The following TMEM184B variants were observed in gnomAD, a reference collection of about 807,000 sequenced individuals.
The protein encoded by TMEM184B is putative MAPK-activating protein FM08.
Under a neutral mutation model 41.8 loss-of-function variants are expected in TMEM184B, and 17 were observed. The observed-to-expected ratio is 0.41, with a 90% CI of 0.28 to 0.61. The LOEUF (loss-of-function observed/expected upper bound fraction) is 0.61. TMEM184B is among the 20% of genes least tolerant of loss of function. The probability of loss-of-function intolerance (pLI) is 0.34; values close to 1 mark genes in which losing one functional copy is unlikely to be tolerated. For synonymous variants in TMEM184B, 240 were observed against 229.5 expected (o/e 1.05, Z -0.41); for missense variants, 393 against 557.8 (o/e 0.70, Z 2.98).
chr22:38,261,099 TGGGAATGACAAC>T (rs1157161845), intron 1 of TMEM184B, among the ~76,000 whole-genome samples: 1 of 152,182 alleles, frequency 6.6e-6, no homozygotes, highest in African/African-American at 2.4e-5. Context: ...TCCAGCCGCC[TGGGAATGACAAC>T]GGGAATGACA....
chr22:38,263,341 C>T (rs1602495897), intron 1 of TMEM184B, among the ~76,000 whole-genome samples: 1 of 152,196 alleles, frequency 6.6e-6, no homozygotes, highest in East Asian at 1.9e-4. Context: ...GGTGTCTGCC[C>T]AGAGACCCCC....
At chr22:38,259,922 C>T (rs1158917385) in intron 1 of TMEM184B, among the ~76,000 whole-genome samples, 2 of 146,162 alleles carry the variant, frequency 1.4e-5, no homozygotes, top group Admixed American at 6.9e-5. Context: ...GTTACAGGCA[C>T]GTGCCACCAC....
chr22:38,267,846 T>C (rs1279864412), intron 1 of TMEM184B, among the ~76,000 whole-genome samples: 13 of 152,162 alleles, frequency 8.5e-5, no homozygotes, highest in Non-Finnish European at 1.6e-4. Context: ...ACTGTGTACA[T>C]TTCGCCAGAC....
rs375195595 is a variant in TMEM184B, at chr22:38,231,763, G to A, written c.359-429C>T. Reference sequence around the variant, plus strand: ...CGCCTGTGGTCCCAGCTACTGCTGCGGCAGGAGGACGTCTTGAGTCTGGGA... The same window carrying A: ...CGCCTGTGGTCCCAGCTACTGCTGCAGCAGGAGGACGTCTTGAGTCTGGGA... On this transcript the variant is annotated intron_variant, in intron 3 of 8. Transcript: ENST00000361906. The A allele has an allele frequency of 3.2e-4, 113 of 354,492 alleles. 1 individual carries two copies. The East Asian group carries it at 7.1e-3, about 22-fold the overall frequency. 22.0% of individuals were successfully genotyped at this position (354,492 alleles called of 1,614,324 possible). A position where few individuals can be genotyped will look rare whatever the true frequency, so the allele number is the denominator to read the frequency against.
At chr22:38,232,780 C>A (rs1284609704) in intron 3 of TMEM184B, among the ~76,000 whole-genome samples, 1 of 152,210 alleles carries the variant, frequency 6.6e-6, no homozygotes, top group East Asian at 1.9e-4. Context: ...CCGAGCAGCA[C>A]TAATGCTGCA....
At chr22:38,250,053 G>A (rs982400827) in intron 1 of TMEM184B, among the ~76,000 whole-genome samples, 6 of 152,226 alleles carry the variant, frequency 3.9e-5, no homozygotes, top group African/African-American at 7.2e-5. Flanking sequence ...CACCAACCCC[G>A]ACCGTCTCGG....
In TMEM184B at chr22:38,239,489, A is replaced by T. The variant is rs2091857073; in HGVS notation, c.358+6446T>A. On this transcript the variant is annotated intron_variant, in intron 3 of 8. Transcript: ENST00000361906. This position sits in a 1 kb window ranked among gnomAD's most constrained non-coding sequence, Gnocchi z 4.6. ...CATGCCCACCGCTCCATGGTCACCG[A>T]GTGGCGGATGGTTGGGGGTGGGGGT... 6.7e-6 allele frequency: 1 copy of T among 148,766 alleles called. No individual in the cohort carries two copies. The highest frequency in any genetic ancestry group is 1.5e-5 in the Non-Finnish European group (1 of 66,994). 9.2% of individuals were successfully genotyped at this position (148,766 alleles called of 1,614,324 possible).
chr22:38,252,582 C>A (rs1228341503), intron 1 of TMEM184B, among the ~76,000 whole-genome samples: 2 of 151,596 alleles, frequency 1.3e-5, no homozygotes, highest in Non-Finnish European at 2.9e-5. Flanking sequence ...CTTCCCCTTG[C>A]ACTGCTGAGG....
chr22:38,267,292 G>T (rs1234761371), intron 1 of TMEM184B, among the ~76,000 whole-genome samples: 2 of 152,088 alleles, frequency 1.3e-5, no homozygotes, highest in African/African-American at 4.8e-5. Context: ...CCACCCCAGA[G>T]AAGGAAAAGG....
At chr22:38,241,568 CGCCTGT>C in intron 3 of TMEM184B, among the ~76,000 whole-genome samples, 1 of 151,044 alleles carries the variant, frequency 6.6e-6, no homozygotes, top group South Asian at 2.1e-4. Flanking sequence ...TGGTGGCACA[CGCCTGT>C]GTCTGTCAGA....
At chr22:38,230,133 C>T (rs2091565142) in intron 5 of TMEM184B, among the ~76,000 whole-genome samples, 1 of 110,838 alleles carries the variant, frequency 9.0e-6, no homozygotes, top group Non-Finnish European at 1.8e-5. Context: ...GCTGGATTGC[C>T]AAGGCTACTC....
chr22:38,230,886 CACAG>C (rs1437117983), intron 4 of TMEM184B, 142 bp from the exon 5 acceptor site: 1 of 802,446 alleles, frequency 1.2e-6, no homozygotes. Context: ...CGAGGCCAAG[CACAG>C]GGAGAGGCAT....
intron 1 of TMEM184B, among the ~76,000 whole-genome samples, chr22:38,272,087 C>T (rs2092532203): frequency 6.6e-6 from 1 of 152,168 alleles, no homozygotes; most frequent in Non-Finnish European, 1.5e-5. Context: ...ACCTGCTTTG[C>T]CCCAAAATGC....
intron 3 of TMEM184B, 133 bp downstream of exon 3, chr22:38,245,802 C>T: frequency 1.0e-6 from 1 of 954,706 alleles, no homozygotes; most frequent in Non-Finnish European, 1.5e-6. Flanking sequence ...GGGACAGAAA[C>T]CCTGTAGTAG....
intron 1 of TMEM184B, among the ~76,000 whole-genome samples, chr22:38,249,994 C>G (rs1275000328): frequency 6.6e-6 from 1 of 152,264 alleles, no homozygotes; most frequent in Admixed American, 6.5e-5. Context: ...CCCCGCCAAC[C>G]AGCCACGTGG....
chr22:38,225,670 G>T lies in TMEM184B; in HGVS notation c.618-77C>A. The T allele has an allele frequency of 6.9e-7, 1 of 1,454,812 alleles. No individual in the cohort carries two copies. Among genetic ancestry groups the T allele is most frequent in the Non-Finnish European group, 9.1e-7 (1 of 1,097,216 alleles). 90.1% of individuals were successfully genotyped at this position (1,454,812 alleles called of 1,614,324 possible). On this transcript the variant is annotated intron_variant, in intron 6 of 8. Transcript: ENST00000361906. The surrounding 1 kb of genome is among the most constrained non-coding windows in gnomAD (Gnocchi z 4.4). ...GCTCTCCTCGACTGCACCACACACA[G>T]TCCCCATGGCTCTCAGCCCCACACC... is the stretch of plus-strand genomic sequence containing the variant.
intron 1 of TMEM184B, among the ~76,000 whole-genome samples, chr22:38,249,178 C>T (rs2092107068): frequency 6.6e-6 from 1 of 152,238 alleles, no homozygotes; most frequent in Non-Finnish European, 1.5e-5. Context: ...GACACAGGGT[C>T]TCGCTCTGTT....
intron 1 of TMEM184B, among the ~76,000 whole-genome samples, chr22:38,249,895 C>T (rs780366121): frequency 6.6e-6 from 1 of 152,190 alleles, no homozygotes; most frequent in Non-Finnish European, 1.5e-5. Context: ...TGCAATGCAA[C>T]CAGAGAAACA....
In TMEM184B at chr22:38,219,629, T is replaced by G. The variant is rs1718727435; in HGVS notation, c.*1840A>C. 5 of 985,278 alleles carry G rather than the reference T, an allele frequency of 5.1e-6. No individual in the cohort carries two copies. The South Asian group carries it at 1.9e-4, about 37-fold the overall frequency. The allele number at this position is 985,278 out of a possible 1,614,324, so 61.0% of individuals were successfully genotyped here. ...TCCCCACGACCCCACGGACCGCTGA[T>G]TCCCTGCCACTGAGCTCCCCCCACC... On this transcript the variant is annotated 3_prime_UTR_variant, in exon 9 of 9. Transcript: ENST00000361906.
Sources: allele counts gnomAD v4.1 joint callset (sites outside exome capture counted in the v4.1 genomes callset), GRCh38; gene constraint gnomAD v4.1.1; non-coding constraint Gnocchi (gnomAD v3.1); transcripts MANE v1.5; gene names NCBI Gene and HGNC (gene_info 2026-07-23, HGNC 2026-07-21).